KLHL4: variants seen among roughly 807,000 people sequenced by gnomAD.
KLHL4 encodes the protein kelch like family member 4, also known as kelch-like protein 4.
KLHL4 carries 17 observed loss-of-function variants against 45.8 expected under a neutral mutation model. The observed-to-expected ratio is 0.37, with a 90% CI of 0.25 to 0.56. KLHL4 has a LOEUF of 0.56. KLHL4 is among the 20% of genes least tolerant of loss of function. KLHL4 has a pLI of 0.79. For missense variants in KLHL4, 544 were observed against 544.9 expected, an observed-to-expected ratio of 1.00 and a Z score of 0.02; for synonymous variants, 224 against 189.9, an observed-to-expected ratio of 1.18 and a Z score of -1.47.
chrX:87,555,154 A>G (rs944593005), intron 1 of KLHL4, among the ~76,000 whole-genome samples: 1 of 103,769 alleles, frequency 9.6e-6, no homozygotes, highest in African/African-American at 3.5e-5. Flanking sequence ...ATCAATGTTC[A>G]TCAAGGATAT....
At chrX:87,663,871 A>T (rs1348600009) in intron 9 of KLHL4, among the ~76,000 whole-genome samples, 2 of 112,118 alleles carry the variant, frequency 1.8e-5, no homozygotes, top group East Asian at 5.6e-4. Flanking sequence ...CATTAAAGAG[A>T]TACAAACAGT....
intron 9 of KLHL4, among the ~76,000 whole-genome samples, chrX:87,636,665 C>T (rs780216655): frequency 1.8e-5 from 2 of 110,539 alleles, no homozygotes; most frequent in Non-Finnish European, 3.8e-5. Flanking sequence ...TTTCTGGCTG[C>T]AGGCTGCATG....
At chrX:87,572,822 T>TA (rs369143265) in intron 1 of KLHL4, among the ~76,000 whole-genome samples, 6,969 of 97,927 alleles carry the variant, frequency 0.071, 295 homozygotes, top group African/African-American at 0.14. Flanking sequence ...AAGGAAAACT[T>TA]AAAAAAAAAA....
At chrX:87,551,564 T>A (rs1569339547) in intron 1 of KLHL4, among the ~76,000 whole-genome samples, 1 of 108,857 alleles carries the variant, frequency 9.2e-6, no homozygotes, top group Non-Finnish European at 1.9e-5. Context: ...CATAGATAGA[T>A]AGACAGATAG....
intron 1 of KLHL4, among the ~76,000 whole-genome samples, chrX:87,580,804 G>C (rs1260084847): frequency 8.9e-6 from 1 of 112,009 alleles, no homozygotes; most frequent in Non-Finnish European, 1.9e-5. Flanking sequence ...TGAATATCCA[G>C]ACAGAAAGTT....
intron 1 of KLHL4, among the ~76,000 whole-genome samples, chrX:87,543,133 C>G (rs35947991): frequency 0.26 from 29,194 of 110,566 alleles, 2,956 homozygotes; most frequent in Non-Finnish European, 0.32. Flanking sequence ...TGTAAGATTC[C>G]TGAGGCCTCC....
chrX:87,533,651 A>G lies in KLHL4; in HGVS notation c.422+15336A>G, dbSNP rs184771355. Among the ~76,000 whole-genome samples the G allele has an allele frequency of 4.7e-3, 508 of 109,164 alleles. 1 individual carries two copies. Among genetic ancestry groups the G allele is most frequent in the African/African-American group, 0.015 (463 of 30,024 alleles). 94.8% of individuals were successfully genotyped at this position (109,164 alleles called of 115,157 possible). ...GCACAGCAGCATGGCACATGTATACATATGTAACTAACCTGCACATTGTGC... is the reference window on the plus strand; with the variant it reads ...GCACAGCAGCATGGCACATGTATACGTATGTAACTAACCTGCACATTGTGC... On this transcript the variant is annotated intron_variant, in intron 1 of 10. Transcript: ENST00000373119.
intron 9 of KLHL4, among the ~76,000 whole-genome samples, chrX:87,647,849 C>T (rs745968546): frequency 3.0e-4 from 33 of 110,601 alleles, no homozygotes; most frequent in Non-Finnish European, 5.5e-4. Flanking sequence ...TCATTAAACA[C>T]CAATAGAAAT....
chrX:87,552,681 G>T (rs1412847497), intron 1 of KLHL4, among the ~76,000 whole-genome samples: 13 of 76,702 alleles, frequency 1.7e-4, no homozygotes. Flanking sequence ...AGTGGATAAA[G>T]AAACTGTTAA....
At chrX:87,652,484 AC>A (rs1410569109) in intron 9 of KLHL4, among the ~76,000 whole-genome samples, 4 of 112,163 alleles carry the variant, frequency 3.6e-5, no homozygotes, top group African/African-American at 1.3e-4. Flanking sequence ...TCTACCAGAT[AC>A]CCTAAATAAT....
At chrX:87,571,547 G>A (rs1301983603) in intron 1 of KLHL4, among the ~76,000 whole-genome samples, 1 of 110,994 alleles carries the variant, frequency 9.0e-6, no homozygotes, top group East Asian at 2.8e-4. Context: ...AAGAATTTGT[G>A]GCTCACTGAT....
Position 87,638,375 on chromosome X carries a change from G to A in KLHL4, c.1925+2600G>A, listed in dbSNP as rs148971335. Among the ~76,000 whole-genome samples, 453 of 111,465 alleles carry A rather than the reference G, an allele frequency of 4.1e-3. 3 individuals carry two copies. The highest frequency in any genetic ancestry group is 0.014 in the African/African-American group (424 of 30,728). ...GGAAATTTATCACAAAAAAATCATC[G>A]CCTAGGCACATATTCATTTGGTTAT... On this transcript the variant is annotated intron_variant, in intron 9 of 10. Transcript: ENST00000373119.
intron 1 of KLHL4, among the ~76,000 whole-genome samples, chrX:87,536,194 C>A (rs5969239): frequency 0.26 from 28,898 of 110,507 alleles, 3,067 homozygotes; most frequent in East Asian, 0.52. Flanking sequence ...GAAATAAGGA[C>A]TTAATTTGAA....
intron 1 of KLHL4, among the ~76,000 whole-genome samples, chrX:87,553,251 T>C (rs1353408486): frequency 9.0e-6 from 1 of 111,304 alleles, no homozygotes; most frequent in Non-Finnish European, 1.9e-5. Flanking sequence ...ATTTACATTC[T>C]TAAGTTTTAC....
intron 9 of KLHL4, among the ~76,000 whole-genome samples, chrX:87,637,086 G>T (rs1466056526): frequency 9.0e-6 from 1 of 111,101 alleles, no homozygotes; most frequent in African/African-American, 3.3e-5. Flanking sequence ...GACCCTCAGA[G>T]CATACTTCAC....
chrX:87,640,549 T>A (rs943541693), intron 9 of KLHL4, among the ~76,000 whole-genome samples: 3 of 112,073 alleles, frequency 2.7e-5, no homozygotes, highest in Admixed American at 9.5e-5. Flanking sequence ...CACAAGTCAA[T>A]AAATGTGATA....
chrX:87,531,020 G>A (rs1201609355), intron 1 of KLHL4, among the ~76,000 whole-genome samples: 1 of 112,152 alleles, frequency 8.9e-6, no homozygotes, highest in African/African-American at 3.2e-5. Flanking sequence ...TCTGATGTCA[G>A]CGATGGTGAG....
intron 9 of KLHL4, among the ~76,000 whole-genome samples, chrX:87,658,739 C>A (rs969314714): frequency 3.6e-5 from 4 of 111,383 alleles, no homozygotes; most frequent in African/African-American, 1.3e-4. Context: ...GTGTGAATCT[C>A]TACGCACTAT....
intron 1 of KLHL4, among the ~76,000 whole-genome samples, chrX:87,603,770 T>C (rs1922095949): frequency 9.1e-6 from 1 of 110,379 alleles, no homozygotes; most frequent in African/African-American, 3.3e-5. Context: ...TATCTGCTAA[T>C]ATACAGTACT....
Sources: allele counts gnomAD v4.1 joint callset (sites outside exome capture counted in the v4.1 genomes callset), GRCh38; gene constraint gnomAD v4.1.1; transcripts MANE v1.5; gene names NCBI Gene and HGNC (gene_info 2026-07-23, HGNC 2026-07-21).